KSR2: variants seen among roughly 807,000 people sequenced by gnomAD.
KSR2 encodes the protein kinase suppressor of ras 2.
In KSR2, 25 loss-of-function variants were observed where a neutral mutation model predicts 107.8. The observed-to-expected ratio is 0.23, with a 90% CI of 0.17 to 0.32. The LOEUF is 0.32. KSR2 is among the 10% of genes least tolerant of loss of function. The probability of loss-of-function intolerance (pLI) is 1.00; values close to 1 mark genes in which losing one functional copy is unlikely to be tolerated. For missense variants in KSR2, 887 were observed against 1,268.9 expected (o/e 0.70, Z 4.57); for synonymous variants, 480 against 507.0 (o/e 0.95, Z 0.71).
intron 4 of KSR2, among the ~76,000 whole-genome samples, chr12:117,695,605 G>C (rs1038172493): frequency 6.6e-6 from 1 of 151,862 alleles, no homozygotes; most frequent in African/African-American, 2.4e-5. Context: ...CAGCTACTTG[G>C]GGGGCTGAGG....
At chr12:117,916,199 C>T (rs572489899) in intron 1 of KSR2, among the ~76,000 whole-genome samples, 248 of 143,188 alleles carry the variant, frequency 1.7e-3, no homozygotes, top group Non-Finnish European at 2.7e-3. Flanking sequence ...TACATTGGCG[C>T]GATCTCAGCT....
At chr12:117,867,619 G>T (rs1431768136) in intron 1 of KSR2, among the ~76,000 whole-genome samples, 1 of 152,160 alleles carries the variant, frequency 6.6e-6, no homozygotes, top group Non-Finnish European at 1.5e-5. Flanking sequence ...ATAAGAATGT[G>T]CCCAGGCTAG....
rs1397308987 is a variant in KSR2 at position 117,968,904 on chromosome 12, G to C, written c.-649C>G. On this transcript the variant is annotated 5_prime_UTR_variant, in exon 1 of 20. Coordinates refer to ENST00000339824, the MANE Select transcript of KSR2 (RefSeq NM_173598.6). ...GTCTCCTCCCCGCGCTGCTGCTGCT[G>C]CTGCTGCTGCCGCCGCCGGGCTCCG... 2 of 255,876 alleles carry C rather than the reference G, an allele frequency of 7.8e-6. No homozygotes were observed. Among genetic ancestry groups the C allele is most frequent in the Non-Finnish European group, 7.8e-6 (1 of 128,970 alleles). 15.9% of individuals were successfully genotyped at this position (255,876 alleles called of 1,614,324 possible). A position where few individuals can be genotyped will look rare whatever the true frequency, so the allele number is the denominator to read the frequency against.
chr12:117,766,524 C>T (rs1201381245), intron 3 of KSR2, among the ~76,000 whole-genome samples: 3 of 152,044 alleles, frequency 2.0e-5, no homozygotes, highest in African/African-American at 4.8e-5. Flanking sequence ...TGGTTTACTT[C>T]GAAATGATTA....
chr12:117,669,441 C>T (rs1446058298), intron 4 of KSR2, among the ~76,000 whole-genome samples: 2 of 152,148 alleles, frequency 1.3e-5, no homozygotes, highest in African/African-American at 4.8e-5. Flanking sequence ...TACTCGTCCA[C>T]ATGAGCACTT....
intron 4 of KSR2, among the ~76,000 whole-genome samples, chr12:117,757,286 T>C (rs1053375835): frequency 4.6e-5 from 7 of 152,330 alleles, no homozygotes; most frequent in Middle Eastern, 3.4e-3. Context: ...CCTGAAGATA[T>C]AACTGAATTG....
At chr12:117,876,758 T>A (rs1770430165) in intron 1 of KSR2, among the ~76,000 whole-genome samples, 1 of 148,682 alleles carries the variant, frequency 6.7e-6, no homozygotes, top group African/African-American at 2.4e-5. Flanking sequence ...ATTTGAAATA[T>A]ATATATTTAT....
At chr12:117,678,102 A>ATTTTTTTTTTTTTTT (rs35096843) in intron 4 of KSR2, among the ~76,000 whole-genome samples, 1 of 127,544 alleles carries the variant, frequency 7.8e-6, no homozygotes. Context: ...AGCCCAGCTA[A>ATTTTTTTTTTTTTTT]TTTTTTTTTT....
rs572099873 is a variant in KSR2 at position 117,855,856 on chromosome 12, C to A, written c.322-278G>T. ...GTGCTTAGTGCTATTATAATTACTA[C>A]CCTGTCTGGCGTCAACACTGTGCCT... is the stretch of plus-strand genomic sequence containing the variant. On this transcript the variant is annotated intron_variant, in intron 2 of 19. Transcript: ENST00000339824. Among the ~76,000 whole-genome samples, 4 of 152,278 alleles carry A rather than the reference C, an allele frequency of 2.6e-5. No homozygotes were observed. The South Asian group carries it at 8.3e-4, about 32-fold the overall frequency.
chr12:117,494,646 TC>T (rs1872925133), intron 14 of KSR2, among the ~76,000 whole-genome samples: 1 of 152,168 alleles, frequency 6.6e-6, no homozygotes, highest in Non-Finnish European at 1.5e-5. Context: ...ACAGACCTAG[TC>T]CTTAATCCTA....
intron 5 of KSR2, among the ~76,000 whole-genome samples, chr12:117,619,955 C>T (rs1013693559): frequency 4.6e-5 from 7 of 152,056 alleles, no homozygotes; most frequent in Non-Finnish European, 2.9e-5. Flanking sequence ...CTATTCCCAA[C>T]TCTAGCCCCA....
intron 7 of KSR2, among the ~76,000 whole-genome samples, chr12:117,564,590 G>A (rs1409209076): frequency 1.3e-5 from 2 of 152,212 alleles, no homozygotes; most frequent in Non-Finnish European, 2.9e-5. Context: ...TGCTTACGAG[G>A]AACATCTCAT....
intron 7 of KSR2, among the ~76,000 whole-genome samples, chr12:117,569,979 G>A (rs568768604): frequency 4.5e-4 from 68 of 152,036 alleles, no homozygotes; most frequent in African/African-American, 1.5e-3. Flanking sequence ...TGGACCCCCA[G>A]GGAACATTTG....
intron 3 of KSR2, among the ~76,000 whole-genome samples, chr12:117,829,753 A>G (rs1028718809): frequency 6.6e-6 from 1 of 152,220 alleles, no homozygotes; most frequent in Non-Finnish European, 1.5e-5. Context: ...AGCTACAGAC[A>G]ATGCATACAT....
intron 4 of KSR2, among the ~76,000 whole-genome samples, chr12:117,707,664 C>T (rs1213331500): frequency 6.6e-6 from 1 of 152,146 alleles, no homozygotes; most frequent in African/African-American, 2.4e-5. Context: ...CATTGTGAGC[C>T]AGGCGCACAC....
chr12:117,911,232 G>A (rs1029003965), intron 1 of KSR2, among the ~76,000 whole-genome samples: 6 of 151,200 alleles, frequency 4.0e-5, no homozygotes, highest in African/African-American at 7.3e-5. Flanking sequence ...CCTACTCTAC[G>A]GATGGTGGGC....
At chr12:117,796,434 C>A (rs991321764) in intron 3 of KSR2, among the ~76,000 whole-genome samples, 1 of 152,224 alleles carries the variant, frequency 6.6e-6, no homozygotes, top group African/African-American at 2.4e-5. Context: ...CCATCAGCAT[C>A]ACGTTAGACA....
At chr12:117,744,067 A>G (rs1888313144) in intron 4 of KSR2, among the ~76,000 whole-genome samples, 1 of 152,094 alleles carries the variant, frequency 6.6e-6, no homozygotes, top group African/African-American at 2.4e-5. Flanking sequence ...TGATTCCTAT[A>G]GCATTTGATT....
intron 5 of KSR2, among the ~76,000 whole-genome samples, chr12:117,589,630 G>GCCAGT (rs552356136): frequency 2.5e-3 from 383 of 152,236 alleles, no homozygotes; most frequent in African/African-American, 9.1e-3. Flanking sequence ...GGAGTCACAG[G>GCCAGT]CCAGTCACCA....
Sources: allele counts gnomAD v4.1 joint callset (sites outside exome capture counted in the v4.1 genomes callset), GRCh38; gene constraint gnomAD v4.1.1; transcripts MANE v1.5; gene names NCBI Gene and HGNC (gene_info 2026-07-23, HGNC 2026-07-21).